NAF1: variants seen among roughly 807,000 people sequenced by gnomAD.
NAF1 encodes the protein H/ACA ribonucleoprotein complex non-core subunit NAF1.
In NAF1, 11 loss-of-function variants were observed where a neutral mutation model predicts 40.6. The observed-to-expected ratio is 0.27, with a 90% CI of 0.17 to 0.45. The LOEUF is 0.45. Ranked by LOEUF, NAF1 falls within the 20% of genes least tolerant of loss-of-function variation. The pLI is 1.00. For synonymous variants in NAF1, 260 were observed against 228.5 expected, an observed-to-expected ratio of 1.14 and a Z score of -1.24; for missense variants, 607 against 611.1, an observed-to-expected ratio of 0.99 and a Z score of 0.07.
At chr4:163,126,931 A>C (rs1187811891), downstream of NAF1, 2 of 1,519,458 alleles carry the variant, frequency 1.3e-6, no homozygotes, top group African/African-American at 2.8e-5. Flanking sequence ...TTGAACAGTA[A>C]AGTATTCTCC....
chr4:163,132,966 G>C (rs987636321), intron 7 of NAF1, among the ~76,000 whole-genome samples, 188 bp downstream of exon 7: 2 of 152,198 alleles, frequency 1.3e-5, no homozygotes, highest in African/African-American at 4.8e-5. Context: ...TGTTACCCCA[G>C]GAAGCCATTT....
intron 2 of NAF1, chr4:163,110,364 A>G: frequency 1.5e-6 from 1 of 665,528 alleles, no homozygotes; most frequent in Non-Finnish European, 2.7e-6. Context: ...ACTACAAAAT[A>G]TTGTTATAAT....
chr4:163,114,074 T>C lies in NAF1; in HGVS notation c.115-3784A>G, dbSNP rs555599839. ...GAGCATACACCAATGTGTGGGAAAC[T>C]GGAAAAGGAAAGACTGGAAGAGAAT... On this transcript the variant is annotated intron_variant, in intron 2 of 2. Coordinates refer to the NAF1 transcript ENST00000509434. Among the ~76,000 whole-genome samples, 28 of 152,264 alleles carry C rather than the reference T, an allele frequency of 1.8e-4. 1 individual carries two copies. In the South Asian group the frequency reaches 2.3e-3, roughly 12 times the overall value.
chr4:163,150,116 G>A (rs1206327369), intron 2 of NAF1, among the ~76,000 whole-genome samples: 11 of 152,104 alleles, frequency 7.2e-5, no homozygotes. Flanking sequence ...ATAAACAAGT[G>A]CTATTTAACC....
chr4:163,155,517 A>G (rs1265929043), intron 2 of NAF1, among the ~76,000 whole-genome samples: 1 of 152,228 alleles, frequency 6.6e-6, no homozygotes, highest in Non-Finnish European at 1.5e-5. Context: ...ATCCTCAAAG[A>G]ATGAAAAAGA....
intron 2 of NAF1, chr4:163,110,358 C>T (rs1157985729): frequency 8.8e-6 from 6 of 681,206 alleles, no homozygotes; most frequent in South Asian, 3.2e-5. Flanking sequence ...ACTGTTACTA[C>T]AAAATATTGT....
chr4:163,123,389 G>C (rs977037285), downstream of NAF1, among the ~76,000 whole-genome samples: 1 of 152,178 alleles, frequency 6.6e-6, no homozygotes, highest in Non-Finnish European at 1.5e-5. Flanking sequence ...TCTCAACCCA[G>C]TTATTTCAAT....
Position 163,133,210 on chromosome 4 carries a change from C to T in NAF1, c.977G>A (p.Arg326Lys). ...DDEKEKEAKQRKKSQIQGRKK... is the reference protein window; with the variant it reads ...DDEKEKEAKQKKKSQIQGRKK... ...CCGGCCTTGAATCTGAGATTTTTTC[C>T]TCTGTTTGGCTTCCTTCTCTTTTTC... is the stretch of plus-strand genomic sequence containing the variant. The change falls in exon 7 of 8, where the codon AGG becomes AAG. Residue 326 changes from arginine (R) to lysine (K), a missense_variant. Around this residue, in one of 3 missense-constraint regions of NAF1, gnomAD observed 189 missense variants for 216.6 expected, o/e 0.87. Transcript: ENST00000274054. 6.2e-7 allele frequency: 1 copy of T among 1,613,654 alleles called. No individual in the cohort carries two copies. Among genetic ancestry groups the T allele is most frequent in the Non-Finnish European group, 8.5e-7 (1 of 1,179,842 alleles).
chr4:163,166,796 A>G lies in NAF1; in HGVS notation c.-69T>C, dbSNP rs1732500449. ...TGGACAAGCTCACGGCTCTCTCCAG[A>G]AATAGAAAAACAACTTAGGCAACCG... On this transcript the variant is annotated 5_prime_UTR_variant, in exon 1 of 8. Transcript: ENST00000274054. 1.3e-6 allele frequency: 2 copies of G among 1,573,620 alleles called. No individual in the cohort carries two copies. Among genetic ancestry groups the G allele is most frequent in the South Asian group, 2.4e-5 (2 of 85,034 alleles).
chr4:163,149,216 T>C (rs1481729392), intron 2 of NAF1, among the ~76,000 whole-genome samples: 1 of 152,158 alleles, frequency 6.6e-6, no homozygotes, highest in Non-Finnish European at 1.5e-5. Flanking sequence ...TTTCTGTTCT[T>C]GACCCTTGCC....
chr4:163,147,752 CA>C (rs1486114863), intron 3 of NAF1, among the ~76,000 whole-genome samples: 4 of 152,088 alleles, frequency 2.6e-5, no homozygotes, highest in African/African-American at 7.2e-5. Flanking sequence ...CTGGATTATG[CA>C]GGTAAACTCA....
intron 2 of NAF1, among the ~76,000 whole-genome samples, chr4:163,116,799 C>T (rs972929233): frequency 6.6e-6 from 1 of 152,166 alleles, no homozygotes; most frequent in African/African-American, 2.4e-5. Flanking sequence ...ATAAAAGATG[C>T]AAAATATATC....
chr4:163,166,360 G>C lies in NAF1; in HGVS notation c.365+3C>G. Reference sequence around the variant, plus strand: ...ACAGCTCCGGGTCCCTTAGGCACCCGACCTGTCCGAGTCCGAATCCGAGTC... The same window carrying C: ...ACAGCTCCGGGTCCCTTAGGCACCCCACCTGTCCGAGTCCGAATCCGAGTC... On this transcript the variant is annotated splice_donor_region_variant and intron_variant, in intron 1 of 7. Coordinates refer to ENST00000274054, the MANE Select transcript of NAF1 (RefSeq NM_138386.3). The C allele has an allele frequency of 6.3e-7, 1 of 1,591,572 alleles. No homozygotes were observed. Among genetic ancestry groups the C allele is most frequent in the South Asian group, 1.1e-5 (1 of 88,392 alleles).
chr4:163,123,803 C>T (rs1227967937), downstream of NAF1, among the ~76,000 whole-genome samples: 1 of 152,164 alleles, frequency 6.6e-6, no homozygotes, highest in Non-Finnish European at 1.5e-5. Context: ...TGAATGTCAG[C>T]CTACCTTATT....
intron 1 of NAF1, among the ~76,000 whole-genome samples, chr4:163,164,828 G>C (rs1732385484): frequency 6.6e-6 from 1 of 152,168 alleles, no homozygotes; most frequent in South Asian, 2.1e-4. Flanking sequence ...TCAGGCTACA[G>C]ACAACTTGGG....
intron 2 of NAF1, among the ~76,000 whole-genome samples, chr4:163,159,426 A>T (rs1476155692): frequency 6.6e-6 from 1 of 152,176 alleles, no homozygotes; most frequent in Non-Finnish European, 1.5e-5. Flanking sequence ...TATAGTAATA[A>T]AAACCTAAGT....
At chr4:163,155,229 T>C (rs1731929094) in intron 2 of NAF1, among the ~76,000 whole-genome samples, 1 of 152,246 alleles carries the variant, frequency 6.6e-6, no homozygotes, top group South Asian at 2.1e-4. Flanking sequence ...AAACACATTG[T>C]TGTCCAATAT....
chr4:163,144,225 A>C (rs769943883), intron 4 of NAF1, among the ~76,000 whole-genome samples: 29 of 152,132 alleles, frequency 1.9e-4, no homozygotes, highest in Non-Finnish European at 3.2e-4. Flanking sequence ...GTCCTCCCTT[A>C]ATCAGTGGGG....
chr4:163,109,159 CCTTTTT>C (rs1289417065), downstream of NAF1, among the ~76,000 whole-genome samples: 1 of 115,896 alleles, frequency 8.6e-6, no homozygotes, highest in African/African-American at 3.3e-5. Flanking sequence ...TCCTTTTCAC[CCTTTTT>C]TTTTTTTTTT....
Sources: gnomAD v4.1 joint callset for allele counts (sites outside exome capture counted in the v4.1 genomes callset) on GRCh38, gnomAD v4.1.1 for gene constraint, gnomAD v4.1.1 regional missense constraint, MANE v1.5 for transcripts, NCBI Gene and HGNC (gene_info 2026-07-23, HGNC 2026-07-21) for gene names.